CPXM2: variants seen among roughly 807,000 people sequenced by gnomAD.
CPXM2 encodes the protein inactive carboxypeptidase-like protein X2.
CPXM2 carries 66 observed loss-of-function variants against 86.1 expected under a neutral mutation model. The observed-to-expected ratio is 0.77, with a 90% confidence interval of 0.63 to 0.94. The LOEUF (loss-of-function observed/expected upper bound fraction) is 0.94, where lower values mean the gene tolerates loss of function less well. CPXM2 is among the 40% of genes least tolerant of loss of function. CPXM2 has a pLI of 0.00. For missense variants in CPXM2, 948 were observed against 1,026.3 expected, an observed-to-expected ratio of 0.92 and a Z score of 1.04; for synonymous variants, 388 against 400.2, an observed-to-expected ratio of 0.97 and a Z score of 0.36.
At chr10:123,759,024 G>A (rs555442554) in intron 11 of CPXM2, among the ~76,000 whole-genome samples, 31 of 152,190 alleles carry the variant, frequency 2.0e-4, no homozygotes, top group African/African-American at 7.2e-4. Context: ...TTCCAGATTC[G>A]AACCTTTCAC....
chr10:123,766,573 ACAC>A (rs909538887), intron 10 of CPXM2, among the ~76,000 whole-genome samples: 1 of 152,232 alleles, frequency 6.6e-6, no homozygotes, highest in African/African-American at 2.4e-5. Flanking sequence ...TTCCAAAGAA[ACAC>A]CACATGTAGT....
intron 13 of CPXM2, among the ~76,000 whole-genome samples, chr10:123,747,878 C>T (rs1436974653): frequency 2.7e-5 from 4 of 147,076 alleles, no homozygotes; most frequent in Non-Finnish European, 6.0e-5. Flanking sequence ...GCTGGGATCA[C>T]GCCACTGCAC....
At chr10:123,925,362 C>G (rs910967762) in intron 2 of CPXM2, among the ~76,000 whole-genome samples, 1 of 151,390 alleles carries the variant, frequency 6.6e-6, no homozygotes, top group African/African-American at 2.5e-5. Context: ...GAATCTCACA[C>G]ACTTATTAAT....
rs189002986 is a variant in CPXM2, at chr10:123,778,557, G to A, written c.978+1610C>T. On this transcript the variant is annotated intron_variant, in intron 7 of 13. Coordinates refer to ENST00000241305, the MANE Select transcript of CPXM2 (RefSeq NM_198148.3). Reference sequence around the variant, plus strand: ...CGCCTAGAGTAATGAAGCATACTCCGCTTGCTTTCCTTGTAAGAAAAGAGC... The same window carrying A: ...CGCCTAGAGTAATGAAGCATACTCCACTTGCTTTCCTTGTAAGAAAAGAGC... 2.1e-3 allele frequency among the ~76,000 whole-genome samples: 314 copies of A among 152,254 alleles called. 1 individual carries two copies. The highest frequency in any genetic ancestry group is 3.9e-3 in the Non-Finnish European group (264 of 68,020).
At chr10:123,884,614 T>A (rs888212644) in intron 1 of CPXM2, among the ~76,000 whole-genome samples, 1 of 152,184 alleles carries the variant, frequency 6.6e-6, no homozygotes, top group Non-Finnish European at 1.5e-5. Flanking sequence ...GGGGAGGCTG[T>A]GGGCTGGACA....
chr10:123,758,092 C>A (rs977204647), intron 11 of CPXM2, among the ~76,000 whole-genome samples: 14 of 152,134 alleles, frequency 9.2e-5, no homozygotes, highest in African/African-American at 3.1e-4. Flanking sequence ...TCCCAGTATG[C>A]CTGAAAGCAG....
intron 10 of CPXM2, among the ~76,000 whole-genome samples, chr10:123,762,441 C>T (rs946789469): frequency 1.3e-5 from 2 of 152,138 alleles, no homozygotes; most frequent in African/African-American, 2.4e-5. Flanking sequence ...AGATACTTGA[C>T]AATATTAAGG....
At chr10:123,868,624 T>C (rs760661773) in intron 2 of CPXM2, among the ~76,000 whole-genome samples, 7 of 152,166 alleles carry the variant, frequency 4.6e-5, no homozygotes, top group Non-Finnish European at 7.4e-5. Flanking sequence ...AGCTAAGTTA[T>C]AGTCAATAAT....
At chr10:123,943,230 T>C (rs1945793392), upstream of CPXM2, among the ~76,000 whole-genome samples, 1 of 151,542 alleles carries the variant, frequency 6.6e-6, no homozygotes, top group Non-Finnish European at 1.5e-5. Flanking sequence ...ATTGCTTTCC[T>C]CACTAAATAG....
chr10:123,863,240 G>T, intron 2 of CPXM2, among the ~76,000 whole-genome samples: 1 of 152,336 alleles, frequency 6.6e-6, no homozygotes, highest in Admixed American at 6.5e-5. Flanking sequence ...CCCATTGTCC[G>T]TAAGAATGAC....
intron 4 of CPXM2, among the ~76,000 whole-genome samples, chr10:123,810,132 A>G (rs1847660444): frequency 6.6e-6 from 1 of 152,008 alleles, no homozygotes; most frequent in Admixed American, 6.6e-5. Flanking sequence ...GACTAAAAGC[A>G]TTATTAGAGA....
At chr10:123,815,741 G>A (rs900508775) in intron 4 of CPXM2, among the ~76,000 whole-genome samples, 1 of 152,144 alleles carries the variant, frequency 6.6e-6, no homozygotes, top group Non-Finnish European at 1.5e-5. Context: ...TAAAGTCCTG[G>A]CAGGCCCCTA....
intron 2 of CPXM2, among the ~76,000 whole-genome samples, chr10:123,919,911 G>C (rs1945567471): frequency 1.3e-5 from 2 of 152,186 alleles, no homozygotes; most frequent in African/African-American, 4.8e-5. Context: ...GCATGAGAGA[G>C]AGGAGGAGGT....
chr10:123,777,223 C>T (rs1254562711), intron 7 of CPXM2: 3 of 152,344 alleles, frequency 2.0e-5, no homozygotes, highest in Non-Finnish European at 4.4e-5. Context: ...TGGCTGCCTT[C>T]CAGCCTGTGT....
At chr10:123,853,928 G>T (rs960401602) in intron 3 of CPXM2, among the ~76,000 whole-genome samples, 7 of 151,970 alleles carry the variant, frequency 4.6e-5, no homozygotes, top group Non-Finnish European at 8.8e-5. Context: ...AAGAAAGAAA[G>T]AATCTGCTGT....
chr10:123,812,622 C>A (rs536788584), intron 4 of CPXM2, among the ~76,000 whole-genome samples: 37 of 152,242 alleles, frequency 2.4e-4, no homozygotes, highest in Non-Finnish European at 3.7e-4. Flanking sequence ...AGGAACTGGG[C>A]CACACAGCAG....
chr10:123,942,484 A>G (rs1421544518), upstream of CPXM2, among the ~76,000 whole-genome samples: 1 of 152,234 alleles, frequency 6.6e-6, no homozygotes, highest in Non-Finnish European at 1.5e-5. Flanking sequence ...ACTGCTCATT[A>G]TATGCTAATT....
intron 2 of CPXM2, among the ~76,000 whole-genome samples, chr10:123,934,424 C>T (rs1298397275): frequency 6.6e-6 from 1 of 151,660 alleles, no homozygotes; most frequent in East Asian, 1.9e-4. Flanking sequence ...CCAATCCCTG[C>T]CTCTGTTTTC....
intron 3 of CPXM2, among the ~76,000 whole-genome samples, chr10:123,859,866 G>A (rs565355522): frequency 6.6e-6 from 1 of 152,308 alleles, no homozygotes; most frequent in South Asian, 2.1e-4. Context: ...CCAGGAAGAC[G>A]AAGTGAGGAC....
Sources: gnomAD v4.1 joint callset for allele counts (sites outside exome capture counted in the v4.1 genomes callset) on GRCh38, gnomAD v4.1.1 for gene constraint, MANE v1.5 for transcripts, NCBI Gene and HGNC (gene_info 2026-07-23, HGNC 2026-07-21) for gene names.